The following WFDC9 variants were observed in gnomAD, a reference collection of about 807,000 sequenced individuals.
WFDC9 encodes the protein WAP four-disulfide core domain 9, also known as protein WFDC9.
In WFDC9, 9 loss-of-function variants were observed where a neutral mutation model predicts 9.5. The observed-to-expected ratio is 0.95, with a 90% confidence interval of 0.57 to 1.65. The LOEUF (loss-of-function observed/expected upper bound fraction) is 1.65. WFDC9 is among the 40% of genes most tolerant of loss of function. The probability of loss-of-function intolerance (pLI) is 0.00; values close to 1 mark genes in which losing one functional copy is unlikely to be tolerated. For missense variants in WFDC9, 87 were observed against 106.7 expected, an observed-to-expected ratio of 0.82 and a Z score of 0.81; for synonymous variants, 33 against 32.3, an observed-to-expected ratio of 1.02 and a Z score of -0.07.
chr20:45,625,469 C>T (rs1316421588), intron 1 of WFDC9, among the ~76,000 whole-genome samples: 1 of 152,114 alleles, frequency 6.6e-6, no homozygotes, highest in African/African-American at 2.4e-5. Flanking sequence ...TTGATATAAT[C>T]CAATTTACCT....
intron 1 of WFDC9, chr20:45,629,852 T>G: frequency 6.2e-7 from 1 of 1,613,974 alleles, no homozygotes; most frequent in Non-Finnish European, 8.5e-7. Context: ...TGGTTCTCTG[T>G]GTGCTGCTGC....
chr20:45,621,799 G>C (rs937806984), intron 1 of WFDC9, among the ~76,000 whole-genome samples: 2 of 152,142 alleles, frequency 1.3e-5, no homozygotes, highest in African/African-American at 4.8e-5. Context: ...AAAGACACTT[G>C]GAAGCATGCA....
intron 1 of WFDC9, among the ~76,000 whole-genome samples, chr20:45,621,101 T>C (rs939114678): frequency 2.0e-5 from 3 of 152,216 alleles, no homozygotes; most frequent in African/African-American, 7.2e-5. Flanking sequence ...GAATGAAATA[T>C]CTTCTACTAT....
rs1011561062 is a variant in WFDC9 at position 45,615,003 on chromosome 20, T to C, written c.-152-282A>G. The stretch of plus-strand genomic sequence containing the variant: ...AGTCTCTCAAATACATCTCAGTCCA[T>C]TCATATGTAGGAAGTTGGGAACAGT... On this transcript the variant is annotated intron_variant, in intron 1 of 4. Coordinates refer to ENST00000326000, the MANE Select transcript of WFDC9 (RefSeq NM_147198.4). 1.6e-4 allele frequency among the ~76,000 whole-genome samples: 25 copies of C among 152,152 alleles called. 1 individual carries two copies. The highest frequency in any genetic ancestry group is 5.8e-4 in the African/African-American group (24 of 41,448).
Position 45,608,140 on chromosome 20 carries a change from T to C in WFDC9, c.240A>G (p.Glu80=), listed in dbSNP as rs893324781. The part of the protein sequence containing the change: ...TYCGNICLDN[E]EPLKSMLNP The stretch of plus-strand genomic sequence containing the variant: ...GGTTTAGCATTGATTTAAGGGGCTC[T>C]CTAGAAGAGAAAAGTTAGTCAAAAG... The change falls in exon 5 of 5, where the codon GAA becomes GAG. Residue 80 remains glutamate, a splice_region_variant and synonymous_variant. Transcript: ENST00000326000. The C allele has an allele frequency of 6.2e-7, 1 of 1,611,604 alleles. No homozygotes were observed. Among genetic ancestry groups the C allele is most frequent in the East Asian group, 2.2e-5 (1 of 44,870 alleles).
intron 2 of WFDC9, among the ~76,000 whole-genome samples, chr20:45,612,041 G>GA (rs759210080): frequency 6.6e-6 from 1 of 151,800 alleles, no homozygotes; most frequent in South Asian, 2.1e-4. Flanking sequence ...CCATATTACA[G>GA]AAAAAAATAT....
At chr20:45,625,821 T>C (rs1982206440) in intron 1 of WFDC9, among the ~76,000 whole-genome samples, 1 of 123,794 alleles carries the variant, frequency 8.1e-6, no homozygotes, top group Non-Finnish European at 1.7e-5. Context: ...TTTTTTTTTT[T>C]TTTTTTTTTT....
intron 2 of WFDC9, among the ~76,000 whole-genome samples, chr20:45,611,117 A>G (rs1167815862): frequency 6.6e-6 from 1 of 152,196 alleles, no homozygotes; most frequent in African/African-American, 2.4e-5. Context: ...GAAATCTCCC[A>G]CGAAAGAGTC....
intron 1 of WFDC9, among the ~76,000 whole-genome samples, chr20:45,620,483 T>C (rs920032992): frequency 1.3e-5 from 2 of 152,072 alleles, no homozygotes; most frequent in African/African-American, 4.8e-5. Flanking sequence ...TCCCAGCTAT[T>C]CGGGAGGCTG....
At chr20:45,614,549 T>C (rs1981932680) in intron 2 of WFDC9, 79 bp downstream of exon 2, 1 of 152,176 alleles carries the variant, frequency 6.6e-6, no homozygotes, top group South Asian at 2.1e-4. Context: ...ACAGGAATAG[T>C]GACACCATCT....
chr20:45,625,692 G>C (rs553925810), intron 1 of WFDC9, among the ~76,000 whole-genome samples: 1 of 151,194 alleles, frequency 6.6e-6, no homozygotes, highest in Admixed American at 6.6e-5. Context: ...TGGATATCCA[G>C]TTTTCCTAGC....
intron 1 of WFDC9, among the ~76,000 whole-genome samples, chr20:45,622,690 A>T (rs1982127765): frequency 6.6e-6 from 1 of 152,222 alleles, no homozygotes; most frequent in Non-Finnish European, 1.5e-5. Flanking sequence ...TTCTACATAA[A>T]CACAACATAG....
At chr20:45,629,224 A>G (rs1437553399) in intron 1 of WFDC9, among the ~76,000 whole-genome samples, 1 of 152,214 alleles carries the variant, frequency 6.6e-6, no homozygotes, top group African/African-American at 2.4e-5. Flanking sequence ...GAAATCAAAG[A>G]TTTATAAATA....
chr20:45,610,530 A>C (rs1053455627), intron 2 of WFDC9, among the ~76,000 whole-genome samples: 1 of 152,270 alleles, frequency 6.6e-6, no homozygotes, highest in Non-Finnish European at 1.5e-5. Flanking sequence ...AAGCATTAGC[A>C]ATTCCACCAT....
chr20:45,630,350 G>GT (rs1013655560), intron 1 of WFDC9, among the ~76,000 whole-genome samples: 1 of 151,948 alleles, frequency 6.6e-6, no homozygotes, highest in African/African-American at 2.4e-5. Context: ...ACAGAGCCAA[G>GT]TTAAGGTTAT....
At chr20:45,611,745 C>T (rs1238458421) in intron 2 of WFDC9, among the ~76,000 whole-genome samples, 1 of 152,168 alleles carries the variant, frequency 6.6e-6, no homozygotes, top group Admixed American at 6.5e-5. Context: ...AGGCAAAAGA[C>T]ATTGTCTTTC....
intron 1 of WFDC9, 52 bp from the exon 2 acceptor site, chr20:45,614,773 T>C (rs769404244): frequency 2.6e-5 from 4 of 152,072 alleles, no homozygotes; most frequent in Non-Finnish European, 5.9e-5. Flanking sequence ...AACTTAATGG[T>C]GATTTTGGTT....
intron 4 of WFDC9, 54 bp from the exon 5 acceptor site, chr20:45,608,194 A>G: frequency 2.6e-6 from 4 of 1,556,360 alleles, no homozygotes; most frequent in Non-Finnish European, 3.5e-6. Context: ...ATCCATTTCT[A>G]AAATTAATAG....
chr20:45,624,196 A>C (rs1445735057), intron 1 of WFDC9, among the ~76,000 whole-genome samples: 1 of 152,056 alleles, frequency 6.6e-6, no homozygotes, highest in Non-Finnish European at 1.5e-5. Context: ...TGTCTCAAAA[A>C]ACAAAAAAAT....
Sources: allele counts gnomAD v4.1 joint callset (sites outside exome capture counted in the v4.1 genomes callset), GRCh38; gene constraint gnomAD v4.1.1; transcripts MANE v1.5; gene names NCBI Gene and HGNC (gene_info 2026-07-23, HGNC 2026-07-21).